NMNAT2: variants seen among roughly 807,000 people sequenced by gnomAD.
NMNAT2 encodes nicotinamide nucleotide adenylyltransferase 2.
NMNAT2 carries 11 observed loss-of-function variants against 41.6 expected under a neutral mutation model. The ratio of observed to expected loss-of-function variants is 0.26; its 90% CI spans 0.17 to 0.44. NMNAT2 has a LOEUF of 0.44. NMNAT2 is among the 20% of genes least tolerant of loss of function. NMNAT2 has a pLI of 1.00. For missense variants in NMNAT2, 288 were observed against 407.7 expected (o/e 0.71, Z 2.53); for synonymous variants, 148 against 151.2 (o/e 0.98, Z 0.16).
At chr1:183,295,501 G>C (rs995552670) in intron 1 of NMNAT2, among the ~76,000 whole-genome samples, 1 of 152,090 alleles carries the variant, frequency 6.6e-6, no homozygotes, top group African/African-American at 2.4e-5. Context: ...TGGCACACTT[G>C]TTATACTTGA....
chr1:183,298,054 C>T (rs1661749938), intron 1 of NMNAT2, among the ~76,000 whole-genome samples: 1 of 152,158 alleles, frequency 6.6e-6, no homozygotes, highest in African/African-American at 2.4e-5. Context: ...GAAACGTCCT[C>T]GACTTGACAA....
intron 1 of NMNAT2, among the ~76,000 whole-genome samples, chr1:183,344,555 A>C (rs1040723039): frequency 1.3e-5 from 2 of 152,196 alleles, no homozygotes; most frequent in African/African-American, 4.8e-5. Flanking sequence ...TAGAGCTGGC[A>C]CTTAGTAGGT....
chr1:183,273,848 TTC>T (rs1661054482), intron 8 of NMNAT2, among the ~76,000 whole-genome samples: 2 of 73,342 alleles, frequency 2.7e-5, no homozygotes. Flanking sequence ...CCTCCCTTCC[TTC>T]CTTCCTTCCT....
chr1:183,344,556 CT>C (rs531138027), intron 1 of NMNAT2, among the ~76,000 whole-genome samples: 99 of 152,332 alleles, frequency 6.5e-4, no homozygotes, highest in African/African-American at 2.3e-3. Context: ...AGAGCTGGCA[CT>C]TAGTAGGTGC....
At position 183,346,546 on chromosome 1, in the gene NMNAT2, C is replaced by A. The variant is rs140720811; in HGVS notation, c.86-52753G>T. ...GACAAAACTAAGCTGTTGATCTGAC[C>A]TTCCAAGAAATCAGGAGACAGAGAT... On this transcript the variant is annotated intron_variant, in intron 1 of 10. Coordinates refer to ENST00000287713, the MANE Select transcript of NMNAT2 (RefSeq NM_015039.4). 1.4e-4 allele frequency among the ~76,000 whole-genome samples: 21 copies of A among 152,298 alleles called. No homozygotes were observed. The East Asian group carries it at 4.0e-3, about 29-fold the overall frequency.
intron 1 of NMNAT2, among the ~76,000 whole-genome samples, chr1:183,318,708 T>C (rs1318695768): frequency 6.6e-6 from 1 of 152,128 alleles, no homozygotes; most frequent in Non-Finnish European, 1.5e-5. Flanking sequence ...TGAGAGCTTG[T>C]AGAGACACAC....
intron 8 of NMNAT2, among the ~76,000 whole-genome samples, chr1:183,267,680 G>C (rs978461122): frequency 6.6e-6 from 1 of 152,100 alleles, no homozygotes; most frequent in Non-Finnish European, 1.5e-5. Flanking sequence ...TTCCTATGCC[G>C]CCTGCAGGAG....
At chr1:183,254,385 C>T (rs1166550118) in intron 10 of NMNAT2, among the ~76,000 whole-genome samples, 1 of 152,082 alleles carries the variant, frequency 6.6e-6, no homozygotes, top group East Asian at 1.9e-4. Context: ...TTTATGTCAT[C>T]TCTGGAGAGA....
Position 183,347,474 on chromosome 1 carries a change from A to G in NMNAT2, c.86-53681T>C, listed in dbSNP as rs76824800. Among the ~76,000 whole-genome samples the G allele has an allele frequency of 1.1e-3, 173 of 152,188 alleles. 2 individuals carry two copies. In the East Asian group the frequency reaches 0.026, roughly 23 times the overall value. ...CTATCTCTCTAAAAATGATGATGAT[A>G]ATAATAATAATAGTACCTCCCTCAT... On this transcript the variant is annotated intron_variant, in intron 1 of 10. Transcript: ENST00000287713.
intron 1 of NMNAT2, among the ~76,000 whole-genome samples, chr1:183,301,933 C>A (rs1399114611): frequency 6.6e-6 from 1 of 152,176 alleles, no homozygotes; most frequent in Non-Finnish European, 1.5e-5. Flanking sequence ...ATGACCCCTT[C>A]TGAATTGTAG....
intron 1 of NMNAT2, among the ~76,000 whole-genome samples, chr1:183,324,155 G>T (rs1401444288): frequency 2.0e-5 from 3 of 152,140 alleles, no homozygotes; most frequent in African/African-American, 7.2e-5. Flanking sequence ...CAGATACCAA[G>T]GTGCATGAAT....
intron 1 of NMNAT2, among the ~76,000 whole-genome samples, chr1:183,338,984 T>G (rs1459235115): frequency 6.6e-6 from 1 of 152,148 alleles, no homozygotes; most frequent in East Asian, 1.9e-4. Flanking sequence ...CTCTATTTAG[T>G]AAGGCTGATT....
At chr1:183,377,514 G>C (rs1469866943) in intron 1 of NMNAT2, among the ~76,000 whole-genome samples, 1 of 152,084 alleles carries the variant, frequency 6.6e-6, no homozygotes, top group Admixed American at 6.6e-5. Flanking sequence ...ACAAGTTACC[G>C]TTAAAGGAAT....
chr1:183,270,526 T>C (rs1165207237), intron 8 of NMNAT2, among the ~76,000 whole-genome samples: 1 of 151,040 alleles, frequency 6.6e-6, no homozygotes, highest in African/African-American at 2.4e-5. Context: ...GATGGCCCTC[T>C]TAATGAAAAA....
intron 1 of NMNAT2, among the ~76,000 whole-genome samples, chr1:183,417,507 C>A (rs1052154732): frequency 1.3e-5 from 2 of 152,158 alleles, no homozygotes; most frequent in African/African-American, 4.8e-5. Context: ...CCGCCCGGCC[C>A]CCTCCCCGTC....
intron 1 of NMNAT2, among the ~76,000 whole-genome samples, chr1:183,325,088 T>C (rs1247937166): frequency 6.6e-6 from 1 of 152,184 alleles, no homozygotes; most frequent in African/African-American, 2.4e-5. Flanking sequence ...AGTATGTGAC[T>C]GGGGGCCCTG....
At chr1:183,292,210 C>T (rs1226814519) in intron 3 of NMNAT2, among the ~76,000 whole-genome samples, 1 of 152,196 alleles carries the variant, frequency 6.6e-6, no homozygotes, top group Non-Finnish European at 1.5e-5. Context: ...GCTTTAATTA[C>T]ACTGCAAGCT....
At chr1:183,259,673 C>T (rs983593741) in intron 10 of NMNAT2, among the ~76,000 whole-genome samples, 1 of 152,138 alleles carries the variant, frequency 6.6e-6, no homozygotes, top group Non-Finnish European at 1.5e-5. Flanking sequence ...GATCTCGGCT[C>T]ACTGCAAGCT....
chr1:183,355,082 C>A (rs1663155058), intron 1 of NMNAT2, among the ~76,000 whole-genome samples: 1 of 152,184 alleles, frequency 6.6e-6, no homozygotes, highest in Non-Finnish European at 1.5e-5. Context: ...TGCACTGTAG[C>A]CATGCTGGTG....
Sources: gnomAD v4.1 joint callset for allele counts (sites outside exome capture counted in the v4.1 genomes callset) on GRCh38, gnomAD v4.1.1 for gene constraint, MANE v1.5 for transcripts, NCBI Gene and HGNC (gene_info 2026-07-23, HGNC 2026-07-21) for gene names.